The following ACTN1 variants were observed in gnomAD, a reference collection of about 807,000 sequenced individuals.
The protein encoded by ACTN1 is actinin alpha 1.
ACTN1 carries 30 observed loss-of-function variants against 119.6 expected under a neutral mutation model. The observed-to-expected ratio is 0.25, with a 90% CI of 0.19 to 0.34. ACTN1 has a LOEUF of 0.34. Among genes scored for constraint, ACTN1 ranks in the 10% least tolerant of loss-of-function variants. The probability of loss-of-function intolerance (pLI) is 1.00; values close to 1 mark genes in which losing one functional copy is unlikely to be tolerated. For synonymous variants in ACTN1, 429 were observed against 472.6 expected (o/e 0.91, Z 1.20); for missense variants, 764 against 1,223.4 (o/e 0.62, Z 5.60).
chr14:68,967,599 T>TAAG (rs2140654838), intron 1 of ACTN1, among the ~76,000 whole-genome samples: 1 of 152,338 alleles, frequency 6.6e-6, no homozygotes, highest in South Asian at 2.1e-4. Flanking sequence ...CAAGAAAGTG[T>TAAG]AATGAAGGCA....
At chr14:68,918,321 C>T (rs2034431416) in intron 3 of ACTN1, among the ~76,000 whole-genome samples, 1 of 152,178 alleles carries the variant, frequency 6.6e-6, no homozygotes, top group African/African-American at 2.4e-5. Flanking sequence ...GTGGCTCACG[C>T]CTGTAATCCC....
chr14:68,885,444 C>T lies in ACTN1; in HGVS notation c.1366G>A (p.Ala456Thr), dbSNP rs138924875. 1.4e-5 allele frequency: 23 copies of T among 1,612,404 alleles called. No individual in the cohort carries two copies. The highest frequency in any genetic ancestry group is 4.5e-5 in the East Asian group (2 of 44,854). The change falls in exon 12 of 22, where the codon GCC becomes ACC. Residue 456 changes from alanine to threonine, a missense_variant. Ala to Thr is a moderately conservative substitution (Grantham distance 58, BLOSUM62 0). Around this residue, in one of 4 missense-constraint regions of ACTN1, gnomAD observed 544 missense variants for 912.0 expected, o/e 0.60. Transcript: ENST00000394419. This position sits in a 1 kb window ranked among gnomAD's most constrained non-coding sequence, Gnocchi z 5.6. ...ACCTACTTGAGCTCCTGTGCGATGGCGGCAATCTGCTCCACACGGTCCTGG... is the reference window on the plus strand; with the variant it reads ...ACCTACTTGAGCTCCTGTGCGATGGTGGCAATCTGCTCCACACGGTCCTGG... The part of the protein sequence containing the change: ...AHQDRVEQIA[A>T]IAQELNELDY...
chr14:68,900,045 T>C (rs1007504976), intron 8 of ACTN1, among the ~76,000 whole-genome samples: 4 of 151,930 alleles, frequency 2.6e-5, no homozygotes, highest in Admixed American at 6.6e-5. Flanking sequence ...GCTCGGGGGA[T>C]ACCTATGAGA....
At chr14:68,893,067 G>A (rs975971378) in intron 9 of ACTN1, among the ~76,000 whole-genome samples, 1 of 152,124 alleles carries the variant, frequency 6.6e-6, no homozygotes, top group Non-Finnish European at 1.5e-5. Flanking sequence ...CAGAACCTGC[G>A]TTCTTACTAT....
intron 20 of ACTN1, chr14:68,877,992 A>G (rs1349355168): frequency 6.3e-6 from 1 of 159,774 alleles, no homozygotes; most frequent in Non-Finnish European, 1.3e-5. Flanking sequence ...ATGTCTGTGC[A>G]AGGGGGGACA....
rs181085736 is a variant in ACTN1, at chr14:68,964,647, A to T, written c.105+14305T>A. On this transcript the variant is annotated intron_variant, in intron 1 of 21. Transcript: ENST00000394419. ...AGCTGTGAGTTGGGAGAAAATATTT[A>T]ATCTCTCTAAGCCTCAGTTCCTTCT... Among the ~76,000 whole-genome samples the T allele has an allele frequency of 5.9e-5, 9 of 152,332 alleles. No homozygotes were observed. In the East Asian group the frequency reaches 1.7e-3, roughly 29 times the overall value.
intron 1 of ACTN1, 38 bp downstream of exon 1, chr14:68,978,914 G>GGGGCTGGGGGCTGC (rs764639705): frequency 2.1e-6 from 3 of 1,415,994 alleles, no homozygotes; most frequent in Non-Finnish European, 2.9e-6. Flanking sequence ...CTGGGGGCTG[G>GGGGCTGGGGGCTGC]GGGCTGGGGG....
At chr14:68,974,765 C>A (rs1294047933) in intron 1 of ACTN1, among the ~76,000 whole-genome samples, 2 of 152,212 alleles carry the variant, frequency 1.3e-5, no homozygotes, top group Non-Finnish European at 2.9e-5. Flanking sequence ...GCATCTGATA[C>A]CTAACAGGGG....
intron 1 of ACTN1, chr14:68,936,706 G>C (rs772545193): frequency 2.0e-5 from 13 of 637,044 alleles, no homozygotes; most frequent in East Asian, 1.4e-4. Flanking sequence ...CCGGAGGAAA[G>C]GGGCTTTGAC....
chr14:68,924,123 G>A (rs761470237), intron 2 of ACTN1, among the ~76,000 whole-genome samples: 2 of 152,160 alleles, frequency 1.3e-5, no homozygotes, highest in Admixed American at 6.5e-5. Context: ...CGGGGGGAGC[G>A]GCGAGCTAGT....
chr14:68,901,950 A>G (rs1036520214), intron 8 of ACTN1, among the ~76,000 whole-genome samples: 1 of 152,220 alleles, frequency 6.6e-6, no homozygotes, highest in African/African-American at 2.4e-5. Flanking sequence ...AGGATACAGG[A>G]GAAGGCACTA....
In ACTN1 at chr14:68,909,916, G is replaced by T. The variant is rs1358245237; in HGVS notation, c.515+39C>A. The T allele has an allele frequency of 6.3e-7, 1 of 1,586,726 alleles. No homozygotes were observed. ...GGTCTGGGAGCTCCCGGGGGAGGCAGCCTGGTTCTGTGAGAGCCCCTCAGA... is the reference window on the plus strand; with the variant it reads ...GGTCTGGGAGCTCCCGGGGGAGGCATCCTGGTTCTGTGAGAGCCCCTCAGA... On this transcript the variant is annotated intron_variant, in intron 5 of 21. Coordinates refer to ENST00000394419, the MANE Select transcript of ACTN1 (RefSeq NM_001130004.2). This position sits in a 1 kb window ranked among gnomAD's most constrained non-coding sequence, Gnocchi z 4.1.
rs1555357423 is a variant in ACTN1, at chr14:68,945,174, A to AAAAAG, written c.106-19503_106-19502insCTTTT. Among the ~76,000 whole-genome samples the AAAAAG allele has an allele frequency of 1.5e-3, 220 of 150,738 alleles. 2 individuals carry two copies. The highest frequency in any genetic ancestry group is 0.014 in the South Asian group (67 of 4,766). The stretch of plus-strand genomic sequence containing the variant: ...GTAAGACTCCGGTTCAAAAAAAAAA[A>AAAAAG]AAAGAAAGAAAGAAAGAAAGAAAAG... On this transcript the variant is annotated intron_variant, in intron 1 of 21. Transcript: ENST00000394419.
In ACTN1 at chr14:68,902,569, A is replaced by C; in HGVS notation, c.677-7T>G. On this transcript the variant is annotated splice_region_variant and splice_polypyrimidine_tract_variant and intron_variant, in intron 7 of 21. Coordinates refer to ENST00000394419, the MANE Select transcript of ACTN1 (RefSeq NM_001130004.2). The stretch of plus-strand genomic sequence containing the variant: ...CGGGCAGTTCCAACGATGTCTGTCA[A>C]GAAAAATCTGGAGTTAAAGCCAGCT... 1.2e-6 allele frequency: 2 copies of C among 1,613,434 alleles called. No homozygotes were observed. Among genetic ancestry groups the C allele is most frequent in the Non-Finnish European group, 1.7e-6 (2 of 1,179,526 alleles).
At chr14:68,926,616 G>T (rs1266934874) in intron 1 of ACTN1, among the ~76,000 whole-genome samples, 4 of 152,170 alleles carry the variant, frequency 2.6e-5, no homozygotes, top group African/African-American at 9.7e-5. Context: ...CAATTACATG[G>T]GGCTCACCCA....
intron 1 of ACTN1, among the ~76,000 whole-genome samples, chr14:68,957,693 G>A (rs1164662141): frequency 6.6e-6 from 1 of 152,116 alleles, no homozygotes; most frequent in Non-Finnish European, 1.5e-5. Context: ...GGTTGCAGGG[G>A]GTCAGCAACC....
At chr14:68,935,277 G>A (rs1194482082) in intron 1 of ACTN1, among the ~76,000 whole-genome samples, 2 of 151,714 alleles carry the variant, frequency 1.3e-5, no homozygotes, top group Non-Finnish European at 2.9e-5. Context: ...ACCTGCCTCT[G>A]CCTCCCAAAA....
chr14:68,978,006 G>C (rs1199396555), intron 1 of ACTN1: 1 of 456,240 alleles, frequency 2.2e-6, no homozygotes, highest in Non-Finnish European at 4.4e-6. Flanking sequence ...CACCACGAGT[G>C]GTTTCTGACC....
intron 8 of ACTN1, among the ~76,000 whole-genome samples, chr14:68,897,532 A>C (rs2032967717): frequency 6.6e-6 from 1 of 152,226 alleles, no homozygotes; most frequent in South Asian, 2.1e-4. Context: ...AACTGTCCTC[A>C]AGGTGACATC....
Sources: gnomAD v4.1 joint callset for allele counts (sites outside exome capture counted in the v4.1 genomes callset) on GRCh38, gnomAD v4.1.1 for gene constraint, gnomAD v4.1.1 regional missense constraint, Gnocchi (gnomAD v3.1) non-coding constraint, MANE v1.5 for transcripts, NCBI Gene and HGNC (gene_info 2026-07-23, HGNC 2026-07-21) for gene names.